HERC5: variants seen among roughly 807,000 people sequenced by gnomAD.
HERC5 encodes E3 ISG15--protein ligase HERC5.
Under a neutral mutation model 119.6 loss-of-function variants are expected in HERC5, and 99 were observed. That is an observed-to-expected ratio of 0.83 (90% CI 0.70 to 0.98). The LOEUF (loss-of-function observed/expected upper bound fraction) is 0.98, where lower values mean the gene tolerates loss of function less well. HERC5 is among the 50% of genes least tolerant of loss of function. HERC5 has a pLI of 0.00. For synonymous variants in HERC5, 478 were observed against 445.9 expected, an observed-to-expected ratio of 1.07 and a Z score of -0.91; for missense variants, 1,267 against 1,241.3, an observed-to-expected ratio of 1.02 and a Z score of -0.31.
chr4:88,461,932 G>A (rs1288499136), intron 3 of HERC5, among the ~76,000 whole-genome samples: 1 of 152,102 alleles, frequency 6.6e-6, no homozygotes, highest in East Asian at 1.9e-4. Flanking sequence ...CACTTTTGAA[G>A]TGAGGGATAA....
chr4:88,459,225 G>C, intron 1 of HERC5, 122 bp from the exon 2 acceptor site: 2 of 745,928 alleles, frequency 2.7e-6, no homozygotes, highest in Non-Finnish European at 4.0e-6. Flanking sequence ...GAAGTTCATG[G>C]TAAGTCAAAG....
At chr4:88,490,847 G>A (rs944330550) in intron 16 of HERC5, among the ~76,000 whole-genome samples, 1 of 151,884 alleles carries the variant, frequency 6.6e-6, no homozygotes, top group African/African-American at 2.4e-5. Flanking sequence ...TCTGTCTCAA[G>A]GAAAAAAATA....
intron 15 of HERC5, among the ~76,000 whole-genome samples, chr4:88,488,194 G>T (rs1274004781): frequency 6.6e-6 from 1 of 150,690 alleles, no homozygotes; most frequent in Non-Finnish European, 1.5e-5. Context: ...AGTAATATTT[G>T]ACTACTCCTT....
At chr4:88,496,899 G>A (rs1398225839) in intron 18 of HERC5, among the ~76,000 whole-genome samples, 4 of 152,196 alleles carry the variant, frequency 2.6e-5, no homozygotes, top group African/African-American at 9.7e-5. Flanking sequence ...CTCATCCCCA[G>A]TGTGGAGCCC....
At chr4:88,504,009 A>G (rs934864567) in intron 20 of HERC5, among the ~76,000 whole-genome samples, 29 of 152,086 alleles carry the variant, frequency 1.9e-4, no homozygotes, top group African/African-American at 6.8e-4. Flanking sequence ...GGAGGTTGCA[A>G]TAAGCTAAGA....
At chr4:88,504,835 TA>T (rs1742061170) in intron 22 of HERC5, among the ~76,000 whole-genome samples, 2 of 152,216 alleles carry the variant, frequency 1.3e-5, no homozygotes, top group South Asian at 2.1e-4. Context: ...TCATCCAAGC[TA>T]AATATCAAGC....
chr4:88,493,054 AAG>A lies in HERC5; in HGVS notation c.2178_2179del (p.Lys727ArgfsTer22), dbSNP rs1293129826. 17 of 1,613,896 alleles carry A rather than the reference AAG, an allele frequency of 1.1e-5. No individual in the cohort carries two copies. Among genetic ancestry groups the A allele is most frequent in the Non-Finnish European group, 1.4e-5 (16 of 1,179,930 alleles). ...GEIGYDLGGV[K>X]KEFFYCLFAE... ...AATTGGGTATGACCTCGGAGGAGTC[AAG>A]AAAGAGTTCTTCTACTGTCTGTTTG... On this transcript the variant is annotated frameshift_variant, in exon 17 of 23. Coordinates refer to ENST00000264350, the MANE Select transcript of HERC5 (RefSeq NM_016323.4). LOFTEE classifies it high-confidence loss of function.
intron 1 of HERC5, chr4:88,457,918 TG>T: frequency 7.9e-6 from 8 of 1,016,952 alleles, no homozygotes; most frequent in Non-Finnish European, 9.4e-6. Context: ...GCTCCAACTT[TG>T]GGAGTCGTTC....
rs2149079575 is a variant in HERC5, at chr4:88,457,217, G to A, written c.-53G>A. The A allele has an allele frequency of 7.9e-7, 1 of 1,266,472 alleles. No individual in the cohort carries two copies. Among genetic ancestry groups the A allele is most frequent in the Non-Finnish European group, 1.0e-6 (1 of 1,004,030 alleles). The allele number at this position is 1,266,472 out of a possible 1,614,324, so 78.5% of individuals were successfully genotyped here. On this transcript the variant is annotated 5_prime_UTR_variant, in exon 1 of 23. Coordinates refer to ENST00000264350, the MANE Select transcript of HERC5 (RefSeq NM_016323.4). ...GAGGCAGTGGGCGCGCTCAGTCCCG[G>A]GACCAGGCGTTCTCTCCTCTCGCCT...
chr4:88,477,924 A>G (rs1204314064), intron 12 of HERC5, among the ~76,000 whole-genome samples: 1 of 152,232 alleles, frequency 6.6e-6, no homozygotes, highest in Non-Finnish European at 1.5e-5. Flanking sequence ...CTGGAAGCAC[A>G]AAAAGAAAGT....
chr4:88,478,942 A>G (rs997624308), intron 12 of HERC5, among the ~76,000 whole-genome samples: 8 of 152,278 alleles, frequency 5.3e-5, no homozygotes, highest in East Asian at 3.9e-4. Flanking sequence ...GCTTCACTAT[A>G]GTAACAATTT....
intron 18 of HERC5, among the ~76,000 whole-genome samples, chr4:88,494,899 A>C (rs748284623): frequency 1.3e-5 from 2 of 152,214 alleles, no homozygotes; most frequent in Non-Finnish European, 2.9e-5. Flanking sequence ...GCTAATTTAT[A>C]CTTCAAGTTG....
chr4:88,463,443 G>A (rs143456779), intron 4 of HERC5, 89 bp from the exon 5 acceptor site: 19 of 785,298 alleles, frequency 2.4e-5, no homozygotes, highest in African/African-American at 8.6e-5. Context: ...AACTGTTGTC[G>A]CTGGGTTGAG....
rs1055984001 is a variant in HERC5 at position 88,457,231 on chromosome 4, C to T, written c.-39C>T. 1.5e-6 allele frequency: 2 copies of T among 1,294,562 alleles called. No homozygotes were observed. Among genetic ancestry groups the T allele is most frequent in the African/African-American group, 1.5e-5 (1 of 64,636 alleles). 80.2% of individuals were successfully genotyped at this position (1,294,562 alleles called of 1,614,324 possible). A position where few individuals can be genotyped will look rare whatever the true frequency, so the allele number is the denominator to read the frequency against. On this transcript the variant is annotated 5_prime_UTR_variant, in exon 1 of 23. Transcript: ENST00000264350. ...GCTCAGTCCCGGGACCAGGCGTTCT[C>T]TCCTCTCGCCTCTGGGCCTGGGACC...
At chr4:88,486,026 T>C (rs575480148) in intron 13 of HERC5, 89 bp from the exon 14 acceptor site, 1 of 707,794 alleles carries the variant, frequency 1.4e-6, no homozygotes, top group African/African-American at 1.8e-5. Flanking sequence ...GTGTTTCATT[T>C]ATAATTTAAT....
chr4:88,464,709 CT>C (rs1346585154), intron 6 of HERC5, among the ~76,000 whole-genome samples: 1 of 152,012 alleles, frequency 6.6e-6, no homozygotes, highest in Non-Finnish European at 1.5e-5. Context: ...CCACCTCAGC[CT>C]CTGGAATAGC....
At position 88,462,369 on chromosome 4, in the gene HERC5, T is replaced by C; in HGVS notation, c.688+13T>C. 6.3e-7 allele frequency: 1 copy of C among 1,587,354 alleles called. No individual in the cohort carries two copies. Among genetic ancestry groups the C allele is most frequent in the East Asian group, 2.2e-5 (1 of 44,730 alleles). On this transcript the variant is annotated intron_variant, in intron 4 of 22. Coordinates refer to ENST00000264350, the MANE Select transcript of HERC5 (RefSeq NM_016323.4). ...GGCCACACTGAGAGTATGGAACACA[T>C]TCTCAGATTCCTATTACCAACAGAT...
chr4:88,502,577 G>A (rs60661158), intron 20 of HERC5, among the ~76,000 whole-genome samples: 7,083 of 152,104 alleles, frequency 0.047, 481 homozygotes, highest in African/African-American at 0.15. Context: ...GGCGAAAGGG[G>A]AAAAAGGAGG....
rs1348337779 is a variant in HERC5, at chr4:88,505,766, C to T, written c.2963C>T (p.Pro988Leu). The T allele has an allele frequency of 1.2e-6, 2 of 1,608,332 alleles. No homozygotes were observed. The highest frequency in any genetic ancestry group is 8.5e-7 in the Non-Finnish European group (1 of 1,174,872). ...CCTGAAAGTTGGAATGAAAGAGACC[C>T]TATAAGAGCACTGACATGTTTCAGT... ...CCPESWNERDPIRALTCFSVL... is the reference protein window; with the variant it reads ...CCPESWNERDLIRALTCFSVL... The change falls in exon 23 of 23, where the codon CCT (proline) becomes CTT (leucine). Residue 988 changes from proline (P) to leucine (L), a missense_variant. Physicochemically the swap from Pro to Leu is moderately conservative, Grantham distance 98. Around this residue, in one of 3 missense-constraint regions of HERC5, gnomAD observed 473 missense variants for 445.7 expected, o/e 1.06. Transcript: ENST00000264350.
Sources: gnomAD v4.1 joint callset for allele counts (sites outside exome capture counted in the v4.1 genomes callset) on GRCh38, gnomAD v4.1.1 for gene constraint, gnomAD v4.1.1 regional missense constraint, MANE v1.5 for transcripts, NCBI Gene and HGNC (gene_info 2026-07-23, HGNC 2026-07-21) for gene names.